ROBO2: variants seen among roughly 807,000 people sequenced by gnomAD.
The protein encoded by ROBO2 is roundabout guidance receptor 2.
ROBO2 carries 53 observed loss-of-function variants against 160.8 expected under a neutral mutation model. That is an observed-to-expected ratio of 0.33 (90% CI 0.26 to 0.41). ROBO2 has a LOEUF of 0.41. Among genes scored for constraint, ROBO2 ranks in the 10% least tolerant of loss-of-function variants. The probability of loss-of-function intolerance (pLI) is 1.00; values close to 1 mark genes in which losing one functional copy is unlikely to be tolerated. For missense variants in ROBO2, 1,577 were observed against 1,722.4 expected (o/e 0.92, Z 1.49); for synonymous variants, 664 against 611.7 (o/e 1.09, Z -1.26).
At chr3:76,704,038 A>G (rs755412017) in intron 2 of ROBO2, among the ~76,000 whole-genome samples, 1 of 149,344 alleles carries the variant, frequency 6.7e-6, no homozygotes, top group Non-Finnish European at 1.5e-5. Context: ...CATCTTTTCT[A>G]TGTCTTTGTA....
intron 2 of ROBO2, among the ~76,000 whole-genome samples, chr3:76,075,659 C>T (rs374299388): frequency 7.2e-5 from 11 of 152,076 alleles, no homozygotes; most frequent in African/African-American, 2.7e-4. Flanking sequence ...ATCCCAATAG[C>T]GTAGACAAAC....
chr3:76,157,807 A>G (rs1388539451), intron 2 of ROBO2, among the ~76,000 whole-genome samples: 1 of 152,008 alleles, frequency 6.6e-6, no homozygotes, highest in Non-Finnish European at 1.5e-5. Context: ...GCCTTGTTCC[A>G]CTCTCATAGA....
chr3:77,260,845 C>T (rs2058729263), intron 2 of ROBO2, among the ~76,000 whole-genome samples: 2 of 152,170 alleles, frequency 1.3e-5, no homozygotes, highest in Admixed American at 1.3e-4. Context: ...GACACTCGTT[C>T]TGCCCCAGTG....
intron 2 of ROBO2, among the ~76,000 whole-genome samples, chr3:76,549,223 A>C (rs2083281284): frequency 6.6e-6 from 1 of 152,090 alleles, no homozygotes; most frequent in Non-Finnish European, 1.5e-5. Context: ...ATGAAAGGCA[A>C]ATTTTCTCCA....
At chr3:76,124,021 C>G (rs891676081) in intron 2 of ROBO2, among the ~76,000 whole-genome samples, 1 of 151,984 alleles carries the variant, frequency 6.6e-6, no homozygotes, top group East Asian at 1.9e-4. Flanking sequence ...GGAAAGTAAT[C>G]ACTAACTTCT....
At chr3:76,809,414 C>T (rs1204787296) in intron 2 of ROBO2, among the ~76,000 whole-genome samples, 2 of 152,144 alleles carry the variant, frequency 1.3e-5, no homozygotes, top group African/African-American at 4.8e-5. Flanking sequence ...TGGCAGCTTG[C>T]TTCTTCAAAC....
intron 2 of ROBO2, among the ~76,000 whole-genome samples, chr3:76,156,796 A>C (rs1464799405): frequency 6.6e-6 from 1 of 152,150 alleles, no homozygotes; most frequent in Non-Finnish European, 1.5e-5. Flanking sequence ...GTGAAACCTC[A>C]TCTCTACTAA....
intron 2 of ROBO2, among the ~76,000 whole-genome samples, chr3:76,642,391 C>T (rs887834047): frequency 2.1e-4 from 25 of 119,752 alleles, no homozygotes; most frequent in African/African-American, 7.5e-4. Flanking sequence ...CTCGCTCTGT[C>T]GCCCAGGCTG....
intron 2 of ROBO2, among the ~76,000 whole-genome samples, chr3:76,864,829 T>C (rs1015162674): frequency 9.2e-5 from 14 of 152,102 alleles, no homozygotes; most frequent in African/African-American, 2.9e-4. Context: ...CTATTTTCCA[T>C]CTAAGCTGTA....
chr3:77,437,393 G>C (rs1213195021), intron 2 of ROBO2, among the ~76,000 whole-genome samples: 1 of 151,724 alleles, frequency 6.6e-6, no homozygotes, highest in Non-Finnish European at 1.5e-5. Flanking sequence ...AATGTGTCTA[G>C]GGTTACCTAT....
At chr3:77,570,854 G>A (rs938521223) in intron 13 of ROBO2, among the ~76,000 whole-genome samples, 4 of 151,954 alleles carry the variant, frequency 2.6e-5, no homozygotes, top group African/African-American at 9.7e-5. Flanking sequence ...GTTTCCCAGT[G>A]GTTGGCAGGA....
intron 2 of ROBO2, among the ~76,000 whole-genome samples, chr3:76,978,404 G>A (rs780106907): frequency 6.6e-5 from 10 of 151,976 alleles, no homozygotes; most frequent in Admixed American, 2.0e-4. Context: ...CTTTATTTGC[G>A]CAGAAGAAAG....
intron 2 of ROBO2, among the ~76,000 whole-genome samples, chr3:76,339,107 T>C (rs2074062259): frequency 6.6e-6 from 1 of 152,226 alleles, no homozygotes; most frequent in African/African-American, 2.4e-5. Flanking sequence ...ATTTATGACA[T>C]TTTATATGTC....
chr3:77,457,752 G>C (rs2153568147), intron 2 of ROBO2, among the ~76,000 whole-genome samples: 1 of 152,082 alleles, frequency 6.6e-6, no homozygotes, highest in Admixed American at 6.5e-5. Context: ...GAATTTAAGT[G>C]TTTAAACCAG....
chr3:77,345,963 A>C (rs2067586385), intron 2 of ROBO2, among the ~76,000 whole-genome samples: 1 of 152,108 alleles, frequency 6.6e-6, no homozygotes, highest in African/African-American at 2.4e-5. Flanking sequence ...GAAATTACAC[A>C]TAATATTGGT....
At chr3:77,550,441 A>G (rs978539800) in intron 7 of ROBO2, among the ~76,000 whole-genome samples, 1 of 152,048 alleles carries the variant, frequency 6.6e-6, no homozygotes, top group Non-Finnish European at 1.5e-5. Flanking sequence ...TGTTATGGCC[A>G]GATCTTCATG....
intron 21 of ROBO2, among the ~76,000 whole-genome samples, chr3:77,616,030 T>C (rs2094768617): frequency 6.6e-6 from 1 of 152,176 alleles, no homozygotes; most frequent in Non-Finnish European, 1.5e-5. Context: ...GACAGCTTTC[T>C]TGAATTTAAG....
chr3:77,045,271 C>G (rs1559893827), intron 1 of ROBO2, among the ~76,000 whole-genome samples: 1 of 152,202 alleles, frequency 6.6e-6, no homozygotes. Flanking sequence ...GAATACTTGA[C>G]TCAACACAGT....
chr3:76,811,340 A>G (rs1315225782), intron 2 of ROBO2, among the ~76,000 whole-genome samples: 1 of 152,130 alleles, frequency 6.6e-6, no homozygotes, highest in African/African-American at 2.4e-5. Context: ...ATGTTTGTTC[A>G]TTTTTCATTT....
Sources: gnomAD v4.1 joint callset for allele counts (sites outside exome capture counted in the v4.1 genomes callset) on GRCh38, gnomAD v4.1.1 for gene constraint, MANE v1.5 for transcripts, NCBI Gene and HGNC (gene_info 2026-07-23, HGNC 2026-07-21) for gene names.